KCNAB1: variants seen among roughly 807,000 people sequenced by gnomAD.
KCNAB1 encodes the protein potassium voltage-gated channel subfamily A regulatory beta subunit 1.
KCNAB1 carries 35 observed loss-of-function variants against 64.6 expected under a neutral mutation model. That is an observed-to-expected ratio of 0.54 (90% CI 0.41 to 0.72). KCNAB1 has a LOEUF of 0.72. Ranked by LOEUF, KCNAB1 falls within the 30% of genes least tolerant of loss-of-function variation. The probability of loss-of-function intolerance (pLI) is 0.00; values close to 1 mark genes in which losing one functional copy is unlikely to be tolerated. For synonymous variants in KCNAB1, 177 were observed against 183.8 expected (o/e 0.96, Z 0.30); for missense variants, 401 against 512.9 (o/e 0.78, Z 2.11).
At chr3:156,439,224 A>ATTTTTTTTTTT (rs56259743) in intron 2 of KCNAB1, among the ~76,000 whole-genome samples, 1 of 115,120 alleles carries the variant, frequency 8.7e-6, no homozygotes, top group Non-Finnish European at 1.8e-5. Context: ...CATCATTGTG[A>ATTTTTTTTTTT]TTTTTTTTTT....
At chr3:156,450,794 T>TC (rs1462038950) in intron 2 of KCNAB1, among the ~76,000 whole-genome samples, 4 of 152,200 alleles carry the variant, frequency 2.6e-5, no homozygotes, top group African/African-American at 7.2e-5. Flanking sequence ...GATTTTTTTT[T>TC]CAATGGTGCC....
intron 1 of KCNAB1, among the ~76,000 whole-genome samples, chr3:156,188,529 G>A (rs1713353685): frequency 6.6e-6 from 1 of 152,114 alleles, no homozygotes; most frequent in South Asian, 2.1e-4. Flanking sequence ...AATGCAAACA[G>A]TACAGAAATT....
At chr3:156,120,907 G>A (rs1443541481) in intron 1 of KCNAB1, 21 bp downstream of exon 1, 1 of 1,610,522 alleles carries the variant, frequency 6.2e-7, no homozygotes, top group Non-Finnish European at 8.5e-7. Context: ...CCTGCTCTGC[G>A]CGGGCTTTGG....
At chr3:156,195,150 G>A (rs1713834423) in intron 1 of KCNAB1, among the ~76,000 whole-genome samples, 2 of 152,196 alleles carry the variant, frequency 1.3e-5, no homozygotes, top group African/African-American at 4.8e-5. Context: ...ATTCCATGGT[G>A]TATATGTGCC....
intron 8 of KCNAB1, among the ~76,000 whole-genome samples, chr3:156,506,815 T>A (rs11721167): frequency 0.21 from 31,561 of 152,024 alleles, 3,467 homozygotes; most frequent in African/African-American, 0.28. Context: ...CTTTGACAGA[T>A]CAGATGCAGA....
chr3:156,459,520 T>G lies in KCNAB1; in HGVS notation c.438-307T>G, dbSNP rs1027580178. ...CCTTTGGACACTACCAAGCTGGACA[T>G]TTATATATGGGATCATTGGTTCAAA... On this transcript the variant is annotated intron_variant, in intron 4 of 13. Coordinates refer to ENST00000490337, the MANE Select transcript of KCNAB1 (RefSeq NM_172160.3). 2.0e-5 allele frequency among the ~76,000 whole-genome samples: 3 copies of G among 151,958 alleles called. No homozygotes were observed. In the East Asian group the frequency reaches 5.8e-4, roughly 29 times the overall value.
At chr3:156,178,333 A>G (rs1055757522) in intron 1 of KCNAB1, among the ~76,000 whole-genome samples, 1 of 152,224 alleles carries the variant, frequency 6.6e-6, no homozygotes, top group East Asian at 1.9e-4. Context: ...GACCTCTACA[A>G]TGACCTCTGG....
intron 1 of KCNAB1, among the ~76,000 whole-genome samples, chr3:156,310,775 G>C (rs1415838485): frequency 6.6e-6 from 1 of 152,152 alleles, no homozygotes; most frequent in Non-Finnish European, 1.5e-5. Flanking sequence ...CTGCACTCCA[G>C]CCTGGGTGAC....
intron 1 of KCNAB1, among the ~76,000 whole-genome samples, chr3:156,275,918 C>G (rs1719312745): frequency 6.6e-6 from 1 of 151,996 alleles, no homozygotes; most frequent in Non-Finnish European, 1.5e-5. Context: ...TGACATCCTC[C>G]TATAAATCAC....
At chr3:156,425,261 A>G (rs955461036) in intron 2 of KCNAB1, among the ~76,000 whole-genome samples, 3 of 152,242 alleles carry the variant, frequency 2.0e-5, no homozygotes, top group Non-Finnish European at 2.9e-5. Flanking sequence ...TGATAGTTAA[A>G]GCTAACAATT....
intron 1 of KCNAB1, among the ~76,000 whole-genome samples, chr3:156,358,444 G>A (rs1725400548): frequency 2.0e-5 from 3 of 152,240 alleles, no homozygotes; most frequent in Admixed American, 6.5e-5. Context: ...GAGCCCAGAG[G>A]AAACCTGCTC....
chr3:156,243,308 C>T (rs768848108), intron 1 of KCNAB1, among the ~76,000 whole-genome samples: 2 of 151,534 alleles, frequency 1.3e-5, no homozygotes, highest in Non-Finnish European at 2.9e-5. Context: ...CACTGCAACC[C>T]CCACCTCCTG....
At chr3:156,383,806 A>G (rs1041045659) in intron 1 of KCNAB1, among the ~76,000 whole-genome samples, 1 of 152,364 alleles carries the variant, frequency 6.6e-6, no homozygotes, top group East Asian at 1.9e-4. Context: ...CTTGATAGGC[A>G]TCGGCAGAGA....
chr3:156,204,278 A>G (rs1714519232), intron 1 of KCNAB1, among the ~76,000 whole-genome samples: 1 of 152,166 alleles, frequency 6.6e-6, no homozygotes, highest in Admixed American at 6.5e-5. Context: ...TTGCCCTCCT[A>G]CTCATCGCTG....
intron 1 of KCNAB1, among the ~76,000 whole-genome samples, chr3:156,240,589 T>C (rs1717107197): frequency 6.6e-6 from 1 of 152,192 alleles, no homozygotes; most frequent in Non-Finnish European, 1.5e-5. Flanking sequence ...TTAGACATAA[T>C]GTATTGAGTT....
intron 12 of KCNAB1, among the ~76,000 whole-genome samples, chr3:156,529,062 AGGAGAAGACAGCTGAACC>A (rs977062159): frequency 1.8e-4 from 28 of 152,144 alleles, no homozygotes; most frequent in Non-Finnish European, 2.5e-4. Context: ...GTGACTGAGG[AGGAGAAGACAGCTGAACC>A]GGAGAAGACA....
intron 1 of KCNAB1, among the ~76,000 whole-genome samples, chr3:156,138,280 G>A (rs558129055): frequency 3.0e-4 from 45 of 152,290 alleles, no homozygotes; most frequent in African/African-American, 9.9e-4. Flanking sequence ...GAGCAAACAC[G>A]TGAACAAGAG....
At chr3:156,180,560 C>A (rs1050211903) in intron 1 of KCNAB1, among the ~76,000 whole-genome samples, 4 of 152,016 alleles carry the variant, frequency 2.6e-5, no homozygotes, top group Admixed American at 1.3e-4. Context: ...TACAATGATC[C>A]ATTTTCTACT....
chr3:156,247,813 C>T (rs995048822), intron 1 of KCNAB1, among the ~76,000 whole-genome samples: 8 of 152,178 alleles, frequency 5.3e-5, no homozygotes, highest in Non-Finnish European at 1.0e-4. Flanking sequence ...GATCTGCCCA[C>T]CTCCGCCTCC....
Sources: allele counts gnomAD v4.1 joint callset (sites outside exome capture counted in the v4.1 genomes callset), GRCh38; gene constraint gnomAD v4.1.1; transcripts MANE v1.5; gene names NCBI Gene and HGNC (gene_info 2026-07-23, HGNC 2026-07-21).